The following SLC35F3 variants were observed in gnomAD, a reference collection of about 807,000 sequenced individuals.
SLC35F3 encodes the protein putative thiamine transporter SLC35F3.
A neutral mutation model predicts 49.9 loss-of-function variants in SLC35F3; 25 were observed. The observed-to-expected ratio is 0.50, with a 90% CI of 0.37 to 0.70. The LOEUF (loss-of-function observed/expected upper bound fraction) is 0.70, where lower values mean the gene tolerates loss of function less well. Ranked by LOEUF, SLC35F3 falls within the 30% of genes least tolerant of loss-of-function variation. The pLI is 0.00. For missense variants in SLC35F3, 525 were observed against 639.8 expected (o/e 0.82, Z 1.94); for synonymous variants, 275 against 265.4 (o/e 1.04, Z -0.35).
Position 234,309,167 on chromosome 1 carries a change from C to T in SLC35F3, c.675C>T (p.Pro225=). Residue 225 remains proline (P), a synonymous_variant, in exon 4 of 8, where the codon CCC becomes CCT. Coordinates refer to ENST00000366618, the MANE Select transcript of SLC35F3 (RefSeq NM_173508.4). ...AGGTGTTTTTTACCAAGGCAGCACC[C>T]TTTGGTGTTCTTTGGACACTCACAA... ...TLKVFFTKAA[P]FGVLWTLTNY... 2.5e-6 allele frequency: 4 copies of T among 1,614,208 alleles called. No homozygotes were observed. Among genetic ancestry groups the T allele is most frequent in the Non-Finnish European group, 2.5e-6 (3 of 1,180,036 alleles).
chr1:234,076,821 A>C (rs1198536040), intron 2 of SLC35F3, among the ~76,000 whole-genome samples: 1 of 152,108 alleles, frequency 6.6e-6, no homozygotes, highest in Non-Finnish European at 1.5e-5. Context: ...TCTGTCGATA[A>C]AGTGTGCCAC....
chr1:234,239,355 C>G (rs1667519478), intron 3 of SLC35F3, among the ~76,000 whole-genome samples: 1 of 152,178 alleles, frequency 6.6e-6, no homozygotes, highest in Admixed American at 6.5e-5. Context: ...TCAGGCACCA[C>G]CCCATCCTAT....
chr1:234,022,454 T>C (rs1379492531), intron 2 of SLC35F3, among the ~76,000 whole-genome samples: 1 of 106,710 alleles, frequency 9.4e-6, no homozygotes, highest in East Asian at 2.4e-4. Flanking sequence ...CCCTCTTCCT[T>C]TGGGGACCTC....
intron 2 of SLC35F3, among the ~76,000 whole-genome samples, chr1:234,125,278 C>A (rs959925126): frequency 6.6e-6 from 1 of 152,064 alleles, no homozygotes; most frequent in Non-Finnish European, 1.5e-5. Flanking sequence ...ATATAACAAA[C>A]GACCCCCGAA....
At chr1:234,082,737 A>G (rs190155901) in intron 2 of SLC35F3, among the ~76,000 whole-genome samples, 3 of 152,180 alleles carry the variant, frequency 2.0e-5, no homozygotes, top group Non-Finnish European at 4.4e-5. Context: ...CAGGCGAGAG[A>G]GAAAATTGGA....
At chr1:233,968,810 C>T (rs1224409075) in intron 2 of SLC35F3, among the ~76,000 whole-genome samples, 2 of 152,040 alleles carry the variant, frequency 1.3e-5, no homozygotes, top group Non-Finnish European at 2.9e-5. Context: ...AACCCTCATC[C>T]CCCTCCCACT....
intron 2 of SLC35F3, among the ~76,000 whole-genome samples, chr1:233,918,248 T>G (rs1662002401): frequency 6.6e-6 from 1 of 152,234 alleles, no homozygotes; most frequent in African/African-American, 2.4e-5. Context: ...GTTTTTAGGC[T>G]GATGTGGCTT....
rs1667371949 is a variant in SLC35F3 at position 234,231,450 on chromosome 1, C to A, written c.317C>A (p.Ala106Glu). 1.9e-6 allele frequency: 3 copies of A among 1,605,674 alleles called. No individual in the cohort carries two copies. Among genetic ancestry groups the A allele is most frequent in the Admixed American group, 1.7e-5 (1 of 59,494 alleles). ...EERPRDSPGPAEAQAPAGVEA... is the reference protein window; with the variant it reads ...EERPRDSPGPEEAQAPAGVEA... ...CGCCCCCGGGACTCCCCGGGCCCGG[C>A]GGAGGCCCAGGCACCGGCCGGGGTG... Residue 106 changes from alanine (A) to glutamate (E), a missense_variant, in exon 3 of 8, where the codon GCG (alanine) becomes GAG (glutamate). Physicochemically the swap from Ala to Glu is moderately radical, Grantham distance 107. This residue lies in a region of SLC35F3 where 228 missense variants were observed against 218.9 expected (regional missense o/e 1.04). Coordinates refer to ENST00000366618, the MANE Select transcript of SLC35F3 (RefSeq NM_173508.4). This position sits in a 1 kb window ranked among gnomAD's most constrained non-coding sequence, Gnocchi z 5.4.
intron 2 of SLC35F3, among the ~76,000 whole-genome samples, chr1:234,010,808 A>G (rs1024170074): frequency 6.6e-5 from 10 of 152,212 alleles, no homozygotes; most frequent in Non-Finnish European, 1.3e-4. Context: ...AGGAGTAGCT[A>G]TATTTATATC....
intron 2 of SLC35F3, among the ~76,000 whole-genome samples, chr1:234,197,921 A>G (rs1195836798): frequency 4.6e-5 from 7 of 152,234 alleles, no homozygotes; most frequent in Non-Finnish European, 1.0e-4. Context: ...TACATTTTTT[A>G]TTCTTGACAA....
At chr1:233,922,014 T>C (rs1310695178) in intron 2 of SLC35F3, among the ~76,000 whole-genome samples, 14 of 152,238 alleles carry the variant, frequency 9.2e-5, no homozygotes, top group Admixed American at 9.2e-4. Context: ...GGTGTATATG[T>C]GCCACGTTTT....
At chr1:234,138,103 G>A (rs1665837820) in intron 2 of SLC35F3, among the ~76,000 whole-genome samples, 1 of 152,216 alleles carries the variant, frequency 6.6e-6, no homozygotes, top group Non-Finnish European at 1.5e-5. Context: ...TACCATGTCT[G>A]TGTACTTTGG....
At chr1:234,268,439 C>G (rs945584403) in intron 3 of SLC35F3, 13 of 151,748 alleles carry the variant, frequency 8.6e-5, no homozygotes, top group African/African-American at 2.9e-4. Flanking sequence ...AGAGGGAGAC[C>G]GTGGAAAGGA....
chr1:234,266,766 A>G (rs1667984991), intron 3 of SLC35F3, among the ~76,000 whole-genome samples: 1 of 152,194 alleles, frequency 6.6e-6, no homozygotes, highest in Admixed American at 6.5e-5. Context: ...ATATCTAGAC[A>G]TATCTAAACA....
chr1:233,993,566 T>C (rs1369028625), intron 2 of SLC35F3, among the ~76,000 whole-genome samples: 1 of 152,168 alleles, frequency 6.6e-6, no homozygotes, highest in Non-Finnish European at 1.5e-5. Context: ...TAAGGGCCCA[T>C]TGAGGGGCTC....
chr1:234,151,258 GA>G (rs35828730), intron 2 of SLC35F3, among the ~76,000 whole-genome samples: 54 of 146,112 alleles, frequency 3.7e-4, no homozygotes, highest in Non-Finnish European at 2.1e-4. Context: ...TAAACTATCA[GA>G]AAAAAAAAAA....
chr1:234,095,474 G>A (rs527572107), intron 2 of SLC35F3, among the ~76,000 whole-genome samples: 10 of 152,334 alleles, frequency 6.6e-5, no homozygotes, highest in East Asian at 5.8e-4. Context: ...GGATGGATTC[G>A]AAGTCAAGAG....
chr1:234,223,958 A>G (rs1223755545), intron 2 of SLC35F3, among the ~76,000 whole-genome samples: 2 of 152,242 alleles, frequency 1.3e-5, no homozygotes, highest in East Asian at 3.8e-4. Context: ...AGAGAGAGAT[A>G]GAAAACAAAC....
chr1:234,315,730 A>G (rs972119022), intron 4 of SLC35F3, among the ~76,000 whole-genome samples: 1 of 152,246 alleles, frequency 6.6e-6, no homozygotes, highest in African/African-American at 2.4e-5. Flanking sequence ...ACTTCTGCAC[A>G]CATTTGTTCT....
Sources: gnomAD v4.1 joint callset for allele counts (sites outside exome capture counted in the v4.1 genomes callset) on GRCh38, gnomAD v4.1.1 for gene constraint, gnomAD v4.1.1 regional missense constraint, Gnocchi (gnomAD v3.1) non-coding constraint, MANE v1.5 for transcripts, NCBI Gene and HGNC (gene_info 2026-07-23, HGNC 2026-07-21) for gene names.